Variants in ERC2 observed in about 807,000 individuals in gnomAD.
ERC2 encodes the protein ERC protein 2.
A neutral mutation model predicts 114.8 loss-of-function variants in ERC2; 42 were observed. The observed-to-expected ratio is 0.37, with a 90% confidence interval of 0.29 to 0.47. ERC2 has a LOEUF of 0.47. Ranked by LOEUF, ERC2 falls within the 20% of genes least tolerant of loss-of-function variation. The probability of loss-of-function intolerance (pLI) is 0.99; values close to 1 mark genes in which losing one functional copy is unlikely to be tolerated. For synonymous variants in ERC2, 454 were observed against 425.5 expected (o/e 1.07, Z -0.82); for missense variants, 939 against 1,150.7 (o/e 0.82, Z 2.66).
chr3:56,088,026 G>A (rs1008004413), intron 6 of ERC2, among the ~76,000 whole-genome samples: 3 of 152,096 alleles, frequency 2.0e-5, no homozygotes, highest in Admixed American at 6.6e-5. Flanking sequence ...CTTCTCAGGC[G>A]CCTTTTGGGA....
chr3:55,863,064 A>C (rs2062097523), intron 14 of ERC2, among the ~76,000 whole-genome samples: 1 of 152,068 alleles, frequency 6.6e-6, no homozygotes, highest in Admixed American at 6.6e-5. Flanking sequence ...CCCAGGATTC[A>C]CTTAAATTAC....
intron 8 of ERC2, among the ~76,000 whole-genome samples, chr3:56,013,647 A>G (rs1273814049): frequency 6.6e-6 from 1 of 152,202 alleles, no homozygotes; most frequent in Admixed American, 6.5e-5. Context: ...ATGATGCTGT[A>G]CATGTCGATA....
intron 1 of ERC2, among the ~76,000 whole-genome samples, chr3:56,456,220 G>A (rs1275208868): frequency 1.3e-5 from 2 of 152,164 alleles, no homozygotes; most frequent in Non-Finnish European, 2.9e-5. Context: ...TTTGCCAAAT[G>A]CCATTTTATT....
At chr3:55,674,008 T>C (rs929761434) in intron 17 of ERC2, among the ~76,000 whole-genome samples, 8 of 152,088 alleles carry the variant, frequency 5.3e-5, no homozygotes, top group African/African-American at 1.9e-4. Flanking sequence ...TGAAGCCTCA[T>C]GCCACTGCCA....
At chr3:56,147,671 C>G (rs1469075704) in intron 5 of ERC2, among the ~76,000 whole-genome samples, 1 of 152,054 alleles carries the variant, frequency 6.6e-6, no homozygotes, top group Non-Finnish European at 1.5e-5. Context: ...CATAAAGCAA[C>G]AAACAAAATT....
rs1403867450 is a variant in ERC2, at chr3:56,405,652, T to TAGAC, written c.657+28698_657+28699insGTCT. Reference sequence around the variant, plus strand: ...ATAGATAGATACATAGACAGATAGATAGATAGACAGATAGATAGATAGATG... The same window carrying TAGAC: ...ATAGATAGATACATAGACAGATAGATAGACAGATAGACAGATAGATAGATAGATG... On this transcript the variant is annotated intron_variant, in intron 2 of 17. Transcript: ENST00000288221. Among the ~76,000 whole-genome samples, 45 of 152,084 alleles carry TAGAC rather than the reference T, an allele frequency of 3.0e-4. No homozygotes were observed. In the East Asian group the frequency reaches 4.8e-3, roughly 16 times the overall value.
chr3:56,446,157 G>A lies in ERC2; in HGVS notation c.-140-11010C>T, dbSNP rs547592792. On this transcript the variant is annotated intron_variant, in intron 1 of 17. Transcript: ENST00000288221. ...TGCACAATGATCCGGGAACATTCACGGAGGGAAGTCACTGACACCCCAGTC... is the reference window on the plus strand; with the variant it reads ...TGCACAATGATCCGGGAACATTCACAGAGGGAAGTCACTGACACCCCAGTC... Among the ~76,000 whole-genome samples, 7 of 152,232 alleles carry A rather than the reference G, an allele frequency of 4.6e-5. No individual in the cohort carries two copies. The South Asian group carries it at 8.3e-4, about 18-fold the overall frequency.
chr3:56,194,644 C>T (rs1447015652), intron 3 of ERC2, among the ~76,000 whole-genome samples: 1 of 152,126 alleles, frequency 6.6e-6, no homozygotes, highest in Non-Finnish European at 1.5e-5. Flanking sequence ...TACACTTAGG[C>T]TACACTGACT....
At chr3:56,445,594 T>A (rs934001260) in intron 1 of ERC2, among the ~76,000 whole-genome samples, 1 of 152,210 alleles carries the variant, frequency 6.6e-6, no homozygotes, top group African/African-American at 2.4e-5. Context: ...AAGCTTCCTA[T>A]TGCTCTGTGG....
intron 14 of ERC2, among the ~76,000 whole-genome samples, chr3:55,875,824 A>T (rs965297180): frequency 5.9e-5 from 9 of 152,158 alleles, no homozygotes; most frequent in African/African-American, 2.2e-4. Context: ...CCATGCTGAG[A>T]CAATGCAGAA....
At chr3:55,854,876 G>A (rs536496121) in intron 14 of ERC2, among the ~76,000 whole-genome samples, 1 of 152,202 alleles carries the variant, frequency 6.6e-6, no homozygotes, top group South Asian at 2.1e-4. Context: ...AGGGTGGGAT[G>A]GTGCCTCTGC....
rs191767975 is a variant in ERC2, at chr3:55,934,395, C to G, written c.2403+16030G>C. ...GTGACTGTCATTTCCAGAGTACACTCCCATGCATAAAGAACTGTGACAATG... is the reference window on the plus strand; with the variant it reads ...GTGACTGTCATTTCCAGAGTACACTGCCATGCATAAAGAACTGTGACAATG... On this transcript the variant is annotated intron_variant, in intron 13 of 17. Transcript: ENST00000288221. Among the ~76,000 whole-genome samples, 13 of 152,258 alleles carry G rather than the reference C, an allele frequency of 8.5e-5. 1 individual carries two copies. Among genetic ancestry groups the G allele is most frequent in the African/African-American group, 3.1e-4 (13 of 41,542 alleles).
At chr3:56,405,346 G>C (rs943615995) in intron 2 of ERC2, among the ~76,000 whole-genome samples, 2 of 151,932 alleles carry the variant, frequency 1.3e-5, no homozygotes, top group African/African-American at 4.8e-5. Context: ...CGGGAGGCTT[G>C]AGCCTGGGAG....
intron 14 of ERC2, among the ~76,000 whole-genome samples, chr3:55,813,155 G>T (rs1465264252): frequency 6.6e-6 from 1 of 152,178 alleles, no homozygotes; most frequent in East Asian, 1.9e-4. Context: ...AAGGCAGCTT[G>T]ACTCCAGAGC....
At chr3:56,360,515 G>T (rs186327152) in intron 2 of ERC2, among the ~76,000 whole-genome samples, 59 of 152,282 alleles carry the variant, frequency 3.9e-4, no homozygotes, top group African/African-American at 1.4e-3. Flanking sequence ...AAAACAATGT[G>T]TTTTGGGAGC....
chr3:55,692,548 G>T (rs2062721612), intron 16 of ERC2, among the ~76,000 whole-genome samples: 1 of 152,128 alleles, frequency 6.6e-6, no homozygotes, highest in Non-Finnish European at 1.5e-5. Flanking sequence ...AGTACCCAAG[G>T]CTCAGGTGTA....
At chr3:55,687,929 G>C (rs1255298855) in intron 16 of ERC2, among the ~76,000 whole-genome samples, 5 of 152,178 alleles carry the variant, frequency 3.3e-5, no homozygotes, top group Admixed American at 2.0e-4. Context: ...GCCTCATCAG[G>C]GTACTAGTAG....
intron 6 of ERC2, among the ~76,000 whole-genome samples, chr3:56,088,983 G>A (rs2077646737): frequency 6.6e-6 from 1 of 152,128 alleles, no homozygotes; most frequent in Non-Finnish European, 1.5e-5. Flanking sequence ...AGGAAGAGTG[G>A]AGAACCAGCA....
At chr3:56,303,693 A>G (rs1016739275) in intron 2 of ERC2, among the ~76,000 whole-genome samples, 15 of 152,250 alleles carry the variant, frequency 9.9e-5, no homozygotes, top group African/African-American at 3.6e-4. Context: ...CAATCTAAGC[A>G]CTGAGCTTGA....
Sources: gnomAD v4.1 joint callset for allele counts (sites outside exome capture counted in the v4.1 genomes callset) on GRCh38, gnomAD v4.1.1 for gene constraint, MANE v1.5 for transcripts, NCBI Gene and HGNC (gene_info 2026-07-23, HGNC 2026-07-21) for gene names.